Variants in COL5A1 observed in about 807,000 individuals in gnomAD.
The protein encoded by COL5A1 is collagen type V alpha 1 chain.
COL5A1 carries 16 observed loss-of-function variants against 263.7 expected under a neutral mutation model. That is an observed-to-expected ratio of 0.06 (90% CI 0.04 to 0.09). The LOEUF (loss-of-function observed/expected upper bound fraction) is 0.09. Ranked by LOEUF, COL5A1 falls within the 10% of genes least tolerant of loss-of-function variation. The pLI is 1.00. For synonymous variants in COL5A1, 1,012 were observed against 1,004.5 expected (o/e 1.01, Z -0.14); for missense variants, 2,036 against 2,540.5 (o/e 0.80, Z 4.27).
chr9:134,759,268 T>TCA (rs1344108517), intron 18 of COL5A1, among the ~76,000 whole-genome samples: 15,373 of 122,618 alleles, frequency 0.13, 1,320 homozygotes, highest in East Asian at 0.28. Context: ...GCGCACACAC[T>TCA]CATACACACA....
chr9:134,709,067 C>T (rs1220385816), intron 4 of COL5A1: 2 of 404,140 alleles, frequency 4.9e-6, no homozygotes, highest in Admixed American at 2.7e-5. Flanking sequence ...TCCTTCATTC[C>T]ATCTGCAGTG....
At position 134,716,543 on chromosome 9, in the gene COL5A1, G is replaced by A. The variant is rs145521667; in HGVS notation, c.655-10723G>A. Among the ~76,000 whole-genome samples, 3 of 152,192 alleles carry A rather than the reference G, an allele frequency of 2.0e-5. No homozygotes were observed. Among genetic ancestry groups the A allele is most frequent in the South Asian group, 4.1e-4 (2 of 4,832 alleles). On this transcript the variant is annotated intron_variant, in intron 4 of 65. Transcript: ENST00000371817. This position sits in a 1 kb window ranked among gnomAD's most constrained non-coding sequence, Gnocchi z 4.5. ...GTGAGGTCACCACCCTTTGGGTGGC[G>A]AGTCTTTGAGGAGGTGAACCCCCAC...
chr9:134,738,564 G>T, intron 10 of COL5A1, 49 bp downstream of exon 10: 1 of 1,610,952 alleles, frequency 6.2e-7, no homozygotes, highest in Non-Finnish European at 8.5e-7. Context: ...CTCTTGGTGG[G>T]GTGGGGTTGG....
rs1047895179 is a variant in COL5A1, at chr9:134,642,003, C to G, written c.-185C>G. 7.1e-5 allele frequency: 35 copies of G among 494,200 alleles called. No homozygotes were observed. Among genetic ancestry groups the G allele is most frequent in the Non-Finnish European group, 1.0e-4 (32 of 314,884 alleles). The allele number at this position is 494,200 out of a possible 1,614,324, so 30.6% of individuals were successfully genotyped here. On this transcript the variant is annotated 5_prime_UTR_variant, in exon 1 of 66. Transcript: ENST00000371817. This position sits in a 1 kb window ranked among gnomAD's most constrained non-coding sequence, Gnocchi z 4.5. ...TCGAGCCCTCCCGCCCGTGGGCGAG[C>G]GCGCCAGCCGCCCCTTCCAGAACAG...
intron 37 of COL5A1, among the ~76,000 whole-genome samples, chr9:134,800,175 C>A (rs2132815252): frequency 6.6e-6 from 1 of 152,320 alleles, no homozygotes; most frequent in South Asian, 2.1e-4. Flanking sequence ...GGGCTAAGGT[C>A]ATATTCTGTC....
intron 1 of COL5A1, among the ~76,000 whole-genome samples, chr9:134,663,187 G>A (rs962957105): frequency 2.6e-5 from 4 of 152,256 alleles, no homozygotes; most frequent in Admixed American, 2.0e-4. Context: ...AAGGAGGGCC[G>A]TGTGGGCCAA....
In COL5A1 at chr9:134,801,936, G is replaced by A. The variant is rs754856471; in HGVS notation, c.2953-18G>A. On this transcript the variant is annotated intron_variant, in intron 37 of 65. Coordinates refer to ENST00000371817, the MANE Select transcript of COL5A1 (RefSeq NM_000093.5). The stretch of plus-strand genomic sequence containing the variant: ...AGGCCACTGCAGCACCGTCAGTGCA[G>A]TGACTCTCTCTTCACAGGGTTTCCA... The A allele has an allele frequency of 1.2e-6, 2 of 1,613,136 alleles. No individual in the cohort carries two copies. The highest frequency in any genetic ancestry group is 2.2e-5 in the South Asian group (2 of 91,080).
Position 134,761,958 on chromosome 9 carries a change from C to T in COL5A1, c.1969C>T (p.Pro657Ser), listed in dbSNP as rs1309225247. 1 of 1,613,568 alleles carries T rather than the reference C, an allele frequency of 6.2e-7. No individual in the cohort carries two copies. Among genetic ancestry groups the T allele is most frequent in the Middle Eastern group, 1.6e-4 (1 of 6,062 alleles). Residue 657 changes from proline (P) to serine (S), a missense_variant, in exon 19 of 66, where the codon CCG becomes TCG. Pro to Ser is a moderately conservative substitution (Grantham distance 74). This residue lies in a region of COL5A1 where 1,078 missense variants were observed against 1,521.4 expected (regional missense o/e 0.71). Coordinates refer to ENST00000371817, the MANE Select transcript of COL5A1 (RefSeq NM_000093.5). ...TGGTCCTTCCGGCCCACCAGGACCT[C>T]CGGGAGACGATGGAGAAAGGGTAGG... The part of the protein sequence containing the change: ...DPGPSGPPGP[P>S]GDDGERGDDG...
intron 62 of COL5A1, 94 bp downstream of exon 62, chr9:134,824,949 C>A: frequency 1.3e-6 from 2 of 1,484,532 alleles, no homozygotes; most frequent in East Asian, 2.5e-5. Context: ...CCAGGCACAG[C>A]GGAAGGGACA....
intron 2 of COL5A1, among the ~76,000 whole-genome samples, chr9:134,697,686 T>G (rs1316557032): frequency 6.6e-6 from 1 of 152,146 alleles, no homozygotes; most frequent in Non-Finnish European, 1.5e-5. Flanking sequence ...ATGGTCCTGC[T>G]GGCAGCCTTG....
intron 4 of COL5A1, among the ~76,000 whole-genome samples, chr9:134,723,266 A>T (rs971162380): frequency 5.3e-5 from 8 of 152,012 alleles, no homozygotes; most frequent in African/African-American, 1.7e-4. Context: ...GAGAGGAAGG[A>T]CCCGGGTTGG....
In COL5A1 at chr9:134,798,763, A is replaced by C. The variant is rs200422753; in HGVS notation, c.2952+302A>C. On this transcript the variant is annotated intron_variant, in intron 37 of 65. Transcript: ENST00000371817. ...GGTGAGAGGCCACATTTAAAGACAC[A>C]CACAGATTATCCTGGGCCGACTGAA... 3.3e-5 allele frequency among the ~76,000 whole-genome samples: 5 copies of C among 152,232 alleles called. No homozygotes were observed. The East Asian group carries it at 9.6e-4, about 29-fold the overall frequency.
At position 134,841,034 on chromosome 9, in the gene COL5A1, C is replaced by T. The variant is rs905958825; in HGVS notation, c.5371-1123C>T. Among the ~76,000 whole-genome samples the T allele has an allele frequency of 2.0e-5, 3 of 152,342 alleles. No homozygotes were observed. Among genetic ancestry groups the T allele is most frequent in the East Asian group, 1.9e-4 (1 of 5,172 alleles). ...TCCGAATCTCCGGCCTGGGAGTCTG[C>T]GCTGGGCCCTCTGCAGGGCTGCATC... On this transcript the variant is annotated intron_variant, in intron 65 of 65. Coordinates refer to ENST00000371817, the MANE Select transcript of COL5A1 (RefSeq NM_000093.5). This position sits in a 1 kb window ranked among gnomAD's most constrained non-coding sequence, Gnocchi z 4.8.
intron 65 of COL5A1, among the ~76,000 whole-genome samples, chr9:134,835,691 G>T (rs1041546925): frequency 1.3e-5 from 2 of 152,232 alleles, no homozygotes; most frequent in African/African-American, 4.8e-5. Context: ...GGGGAGAGCT[G>T]TTCTGGTCCC....
At chr9:134,768,376 G>A (rs756764614) in intron 24 of COL5A1, 34 bp from the exon 25 acceptor site, 3 of 1,597,048 alleles carry the variant, frequency 1.9e-6, no homozygotes, top group Middle Eastern at 1.7e-4. Context: ...GCCTAGGGAG[G>A]GCATCTCCTC....
At chr9:134,828,448 A>G (rs1280752422) in intron 63 of COL5A1, among the ~76,000 whole-genome samples, 3 of 148,780 alleles carry the variant, frequency 2.0e-5, no homozygotes, top group African/African-American at 7.7e-5. Context: ...ACACACACAC[A>G]CACACACGCA....
At chr9:134,748,201 T>G (rs767557233) in intron 11 of COL5A1, among the ~76,000 whole-genome samples, 18 of 147,780 alleles carry the variant, frequency 1.2e-4, no homozygotes, top group African/African-American at 4.6e-4. Context: ...TTCACACACA[T>G]GCACACACCC....
rs781056764 is a variant in COL5A1 at position 134,818,980 on chromosome 9, C to T, written c.4393-20C>T. 3 of 1,613,316 alleles carry T rather than the reference C, an allele frequency of 1.9e-6. No individual in the cohort carries two copies. Among genetic ancestry groups the T allele is most frequent in the South Asian group, 2.2e-5 (2 of 91,078 alleles). On this transcript the variant is annotated intron_variant, in intron 56 of 65. Transcript: ENST00000371817. This position sits in a 1 kb window ranked among gnomAD's most constrained non-coding sequence, Gnocchi z 6.0. The stretch of plus-strand genomic sequence containing the variant: ...AAGCCCCAAGGATGAGGACTCTGAT[C>T]CCCCTGCCTCCTCCCACAGGGTCCC...
At chr9:134,767,102 C>T (rs775787164) in intron 23 of COL5A1, 49 bp downstream of exon 23, 2 of 1,589,956 alleles carry the variant, frequency 1.3e-6, no homozygotes, top group South Asian at 1.1e-5. Context: ...CCGTGGGAGG[C>T]ACACGTCTCC....
Sources: allele counts gnomAD v4.1 joint callset (sites outside exome capture counted in the v4.1 genomes callset), GRCh38; gene constraint gnomAD v4.1.1; regional missense constraint gnomAD v4.1.1; non-coding constraint Gnocchi (gnomAD v3.1); transcripts MANE v1.5; gene names NCBI Gene and HGNC (gene_info 2026-07-23, HGNC 2026-07-21).